Variants in CELF5 observed in about 807,000 individuals in gnomAD.
CELF5 encodes CUG-BP and ETR-3 like factor 5.
A neutral mutation model predicts 54.9 loss-of-function variants in CELF5; 6 were observed. The ratio of observed to expected loss-of-function variants is 0.11; its 90% CI spans 0.06 to 0.22. CELF5 has a LOEUF of 0.22. CELF5 is among the 10% of genes least tolerant of loss of function. CELF5 has a pLI of 1.00. For missense variants in CELF5, 401 were observed against 678.6 expected, an observed-to-expected ratio of 0.59 and a Z score of 4.54; for synonymous variants, 271 against 290.9, an observed-to-expected ratio of 0.93 and a Z score of 0.70.
At position 3,281,695 on chromosome 19, in the gene CELF5, G is replaced by A; in HGVS notation, c.750+350G>A. 6.6e-6 allele frequency among the ~76,000 whole-genome samples: 1 copy of A among 152,126 alleles called. No individual in the cohort carries two copies. The highest frequency in any genetic ancestry group is 1.5e-5 in the Non-Finnish European group (1 of 68,036). ...TGGCTGAGACCTGATCCCAAGTTGA[G>A]CCCCAGCTCCTGACTGAACCCTGAT... On this transcript the variant is annotated intron_variant, in intron 6 of 12. Coordinates refer to ENST00000292672, the MANE Select transcript of CELF5 (RefSeq NM_021938.4). This position sits in a 1 kb window ranked among gnomAD's most constrained non-coding sequence, Gnocchi z 6.5.
intron 2 of CELF5, among the ~76,000 whole-genome samples, chr19:3,259,273 C>T (rs1264197583): frequency 6.6e-6 from 1 of 152,048 alleles, no homozygotes; most frequent in Non-Finnish European, 1.5e-5. Context: ...GGTGATCCTG[C>T]CCCCGCCCCA....
At chr19:3,290,516 G>C in intron 11 of CELF5, 142 bp downstream of exon 11, 1 of 834,498 alleles carries the variant, frequency 1.2e-6, no homozygotes, top group African/African-American at 1.7e-5. Context: ...CGGGCACAGT[G>C]GATCACGCCT....
At chr19:3,280,151 A>G (rs867783151) in intron 5 of CELF5, among the ~76,000 whole-genome samples, 22 of 152,280 alleles carry the variant, frequency 1.4e-4, no homozygotes, top group Middle Eastern at 6.8e-3. Context: ...ACAGCCATGG[A>G]GTGGGATGGC....
chr19:3,224,738 C>T lies in CELF5; in HGVS notation c.-2C>T, dbSNP rs1916788599. 6.9e-6 allele frequency: 9 copies of T among 1,308,852 alleles called. 1 individual carries two copies. The South Asian group carries it at 1.7e-4, about 24-fold the overall frequency. 81.1% of individuals were successfully genotyped at this position (1,308,852 alleles called of 1,614,324 possible). On this transcript the variant is annotated 5_prime_UTR_variant, in exon 1 of 13. Transcript: ENST00000292672. ...CGCCGCCGGCTCGGTCCCGCGCCCG[C>T]CATGGCCCGCCTGACGGAGAGCGAG...
intron 2 of CELF5, among the ~76,000 whole-genome samples, chr19:3,266,801 G>C (rs939007957): frequency 4.0e-5 from 6 of 151,256 alleles, no homozygotes; most frequent in Non-Finnish European, 7.3e-5. Flanking sequence ...AGGGGCGGAT[G>C]GGGGCTGCTG....
intron 1 of CELF5, among the ~76,000 whole-genome samples, chr19:3,249,203 G>A (rs2079613955): frequency 6.6e-6 from 1 of 151,986 alleles, no homozygotes; most frequent in Non-Finnish European, 1.5e-5. Flanking sequence ...GGAACCGAGG[G>A]TTTGACAACA....
At chr19:3,279,770 T>G (rs1337063689) in intron 5 of CELF5, among the ~76,000 whole-genome samples, 1 of 152,112 alleles carries the variant, frequency 6.6e-6, no homozygotes, top group Non-Finnish European at 1.5e-5. Flanking sequence ...TGGGGCAATC[T>G]CAGCTCACTG....
intron 1 of CELF5, among the ~76,000 whole-genome samples, chr19:3,242,872 G>T (rs1337289926): frequency 6.6e-6 from 1 of 152,110 alleles, no homozygotes; most frequent in Non-Finnish European, 1.5e-5. Flanking sequence ...GCTGATGAAA[G>T]AGAGTCATTT....
chr19:3,269,126 C>A (rs2079922884), intron 2 of CELF5, among the ~76,000 whole-genome samples: 1 of 152,008 alleles, frequency 6.6e-6, no homozygotes, highest in African/African-American at 2.4e-5. Flanking sequence ...AAGGGGTCCA[C>A]CTTCCTTCCT....
At chr19:3,291,566 C>T (rs949288693) in intron 11 of CELF5, among the ~76,000 whole-genome samples, 6 of 99,566 alleles carry the variant, frequency 6.0e-5, no homozygotes, top group Admixed American at 1.1e-4. Context: ...AGCAAGACTC[C>T]GACTCAAAAA....
intron 2 of CELF5, among the ~76,000 whole-genome samples, chr19:3,260,404 G>C (rs1568344754): frequency 1.3e-5 from 2 of 152,030 alleles, no homozygotes; most frequent in Admixed American, 6.6e-5. Flanking sequence ...CCAAAATGCT[G>C]GGATTACAGG....
intron 2 of CELF5, among the ~76,000 whole-genome samples, chr19:3,261,638 A>G (rs2079807796): frequency 6.6e-6 from 1 of 151,590 alleles, no homozygotes; most frequent in South Asian, 2.1e-4. Flanking sequence ...TGGGCAACAT[A>G]GAGAGATCCC....
chr19:3,228,914 G>GTT lies in CELF5; in HGVS notation c.259+3917_259+3918insTT, dbSNP rs1491045940. Among the ~76,000 whole-genome samples the GTT allele has an allele frequency of 6.7e-6, 1 of 148,290 alleles. No individual in the cohort carries two copies. The highest frequency in any genetic ancestry group is 1.5e-5 in the Non-Finnish European group (1 of 67,288). On this transcript the variant is annotated intron_variant, in intron 1 of 12. Coordinates refer to ENST00000292672, the MANE Select transcript of CELF5 (RefSeq NM_021938.4). This position sits in a 1 kb window ranked among gnomAD's most constrained non-coding sequence, Gnocchi z 6.0. ...TGTGTGTGTGTGTGTGTGTGTGTGT[G>GTT]TACGCGGGCGCGCGCCTGGGAAGGA...
chr19:3,285,348 ACTTC>A (rs2080222710), intron 9 of CELF5, among the ~76,000 whole-genome samples: 1 of 90,520 alleles, frequency 1.1e-5, no homozygotes, highest in South Asian at 3.4e-4. Flanking sequence ...CCCGCCCCTC[ACTTC>A]CTGCCTTTAC....
intron 2 of CELF5, among the ~76,000 whole-genome samples, chr19:3,262,111 T>G (rs1416845489): frequency 1.3e-5 from 2 of 152,172 alleles, no homozygotes; most frequent in African/African-American, 4.8e-5. Context: ...CTCGGCTCAC[T>G]GCAACCTCCG....
chr19:3,266,681 C>G (rs2079886399), intron 2 of CELF5, among the ~76,000 whole-genome samples: 1 of 152,250 alleles, frequency 6.6e-6, no homozygotes, highest in Non-Finnish European at 1.5e-5. Context: ...GCCTCTGTGG[C>G]TAACACCCAC....
Position 3,285,025 on chromosome 19 carries a change from C to A in CELF5, c.1102+61C>A, listed in dbSNP as rs1221496489. On this transcript the variant is annotated intron_variant, in intron 9 of 12. Transcript: ENST00000292672. ...GCCCCGCCCCCGCCTAGGGCCCCGC[C>A]CCCAGGGCCCGCCCCGGACGTGTCG... The A allele has an allele frequency of 1.4e-5, 18 of 1,315,088 alleles. No homozygotes were observed. The East Asian group carries it at 4.5e-4, about 33-fold the overall frequency. 81.5% of individuals were successfully genotyped at this position (1,315,088 alleles called of 1,614,324 possible).
intron 2 of CELF5, among the ~76,000 whole-genome samples, chr19:3,251,820 G>A (rs113710609): frequency 0.2 from 30,218 of 151,530 alleles, 3,449 homozygotes; most frequent in East Asian, 0.53. Flanking sequence ...GATTACAGGC[G>A]TGCACCACCA....
At chr19:3,263,200 T>TTG in intron 2 of CELF5, among the ~76,000 whole-genome samples, 1 of 135,936 alleles carries the variant, frequency 7.4e-6, no homozygotes, top group East Asian at 2.2e-4. Flanking sequence ...TGAGCCGAGA[T>TTG]CACGCCATTG....
Sources: gnomAD v4.1 joint callset for allele counts (sites outside exome capture counted in the v4.1 genomes callset) on GRCh38, gnomAD v4.1.1 for gene constraint, Gnocchi (gnomAD v3.1) non-coding constraint, MANE v1.5 for transcripts, NCBI Gene and HGNC (gene_info 2026-07-23, HGNC 2026-07-21) for gene names.